The following CDH12 variants were observed in gnomAD, a reference collection of about 807,000 sequenced individuals.
CDH12 encodes cadherin-12.
Under a neutral mutation model 74.1 loss-of-function variants are expected in CDH12, and 41 were observed. That is an observed-to-expected ratio of 0.55 (90% CI 0.43 to 0.72). The LOEUF is 0.72. Ranked by LOEUF, CDH12 falls within the 30% of genes least tolerant of loss-of-function variation. The probability of loss-of-function intolerance (pLI) is 0.00; values close to 1 mark genes in which losing one functional copy is unlikely to be tolerated. For synonymous variants in CDH12, 399 were observed against 355.0 expected (o/e 1.12, Z -1.39); for missense variants, 945 against 977.2 (o/e 0.97, Z 0.44).
chr5:22,047,522 A>T (rs1319189262), intron 5 of CDH12, among the ~76,000 whole-genome samples: 1 of 151,516 alleles, frequency 6.6e-6, no homozygotes, highest in Non-Finnish European at 1.5e-5. Context: ...AGATAAAAGT[A>T]AACACCCCCC....
At chr5:22,479,150 C>A in intron 2 of CDH12, among the ~76,000 whole-genome samples, 1 of 152,176 alleles carries the variant, frequency 6.6e-6, no homozygotes, top group East Asian at 1.9e-4. Flanking sequence ...TATTTATCAT[C>A]AACATTTTCT....
At chr5:22,508,416 T>C (rs550826445) in intron 1 of CDH12, among the ~76,000 whole-genome samples, 1 of 152,292 alleles carries the variant, frequency 6.6e-6, no homozygotes, top group Admixed American at 6.5e-5. Flanking sequence ...TTCTTTGCCA[T>C]ATGTTGAACT....
In CDH12 at chr5:21,783,405, C is replaced by T; in HGVS notation, c.1346G>A (p.Arg449Lys). The T allele has an allele frequency of 6.2e-7, 1 of 1,612,952 alleles. No individual in the cohort carries two copies. The highest frequency in any genetic ancestry group is 1.1e-5 in the South Asian group (1 of 91,066). ...GTIATNELLDRESTAQYNFSI... is the reference protein window; with the variant it reads ...GTIATNELLDKESTAQYNFSI... The stretch of plus-strand genomic sequence containing the variant: ...GAAATTATACTGCGCAGTGCTTTCT[C>T]TGTCTAGTAATTCATTAGTGGCGAT... Residue 449 changes from arginine to lysine, a missense_variant, in exon 11 of 15, where the codon AGA becomes AAA. Physicochemically the swap from Arg to Lys is conservative, Grantham distance 26 (BLOSUM62 2). Transcript: ENST00000382254.
chr5:21,937,426 A>C (rs4028799), intron 6 of CDH12, among the ~76,000 whole-genome samples: 1 of 152,214 alleles, frequency 6.6e-6, no homozygotes, highest in South Asian at 2.1e-4. Context: ...ACAATAGTCC[A>C]GGTTAAAGAT....
At chr5:22,406,551 T>A (rs1324866380) in intron 2 of CDH12, among the ~76,000 whole-genome samples, 2 of 152,144 alleles carry the variant, frequency 1.3e-5, no homozygotes, top group Non-Finnish European at 2.9e-5. Context: ...AGATAAAAAA[T>A]ATATTATTCT....
chr5:21,770,494 G>T (rs1297703487), intron 11 of CDH12, among the ~76,000 whole-genome samples: 2 of 151,790 alleles, frequency 1.3e-5, no homozygotes, highest in African/African-American at 4.8e-5. Flanking sequence ...CATGGTGGTG[G>T]GCGCCTGTAA....
intron 1 of CDH12, among the ~76,000 whole-genome samples, chr5:22,566,057 T>G (rs1318448440): frequency 1.3e-5 from 2 of 152,184 alleles, no homozygotes; most frequent in Admixed American, 6.5e-5. Context: ...TGAATTGATG[T>G]CTGAAGTATG....
chr5:22,336,577 G>C (rs1330113654), intron 3 of CDH12, among the ~76,000 whole-genome samples: 1 of 152,240 alleles, frequency 6.6e-6, no homozygotes, highest in African/African-American at 2.4e-5. Flanking sequence ...CCAAGGTACA[G>C]CTTGGGCCAT....
At chr5:21,834,441 CT>C (rs1276860810) in intron 8 of CDH12, among the ~76,000 whole-genome samples, 1 of 151,846 alleles carries the variant, frequency 6.6e-6, no homozygotes, top group Non-Finnish European at 1.5e-5. Flanking sequence ...GTTACATTCT[CT>C]TCCTACATGG....
rs187417101 is a variant in CDH12, at chr5:22,072,094, C to A, written c.231+6352G>T. Among the ~76,000 whole-genome samples the A allele has an allele frequency of 1.4e-4, 21 of 151,988 alleles. No individual in the cohort carries two copies. In the East Asian group the frequency reaches 1.6e-3, roughly 11 times the overall value. ...TGTAACTTTCTCCTGCAGATGCTCT[C>A]CCTATCTCTACACCTTTTTCCCCGT... On this transcript the variant is annotated intron_variant, in intron 5 of 14. Coordinates refer to ENST00000382254, the MANE Select transcript of CDH12 (RefSeq NM_004061.5).
intron 6 of CDH12, among the ~76,000 whole-genome samples, chr5:21,952,201 G>A (rs747440494): frequency 1.3e-5 from 2 of 152,104 alleles, no homozygotes; most frequent in Non-Finnish European, 2.9e-5. Context: ...AGAGTGACTC[G>A]CAGTTGAGAG....
chr5:21,782,504 A>T (rs1227928286), intron 11 of CDH12, among the ~76,000 whole-genome samples: 1 of 152,174 alleles, frequency 6.6e-6, no homozygotes, highest in East Asian at 1.9e-4. Context: ...CCCTGCATGG[A>T]AAGTGGGAAT....
At chr5:22,340,581 T>C (rs1012143345) in intron 3 of CDH12, among the ~76,000 whole-genome samples, 5 of 151,538 alleles carry the variant, frequency 3.3e-5, no homozygotes, top group African/African-American at 9.7e-5. Flanking sequence ...AACTAGAAAA[T>C]GTTCTTAAAT....
intron 3 of CDH12, among the ~76,000 whole-genome samples, chr5:22,368,215 A>G (rs1741115184): frequency 6.6e-6 from 1 of 152,124 alleles, no homozygotes; most frequent in Admixed American, 6.5e-5. Flanking sequence ...AGCTATTTAT[A>G]TAATTTGCAG....
intron 4 of CDH12, among the ~76,000 whole-genome samples, chr5:22,098,244 T>C (rs938318076): frequency 6.6e-6 from 1 of 152,130 alleles, no homozygotes; most frequent in Non-Finnish European, 1.5e-5. Context: ...CAAGCCCAAA[T>C]TTCTTCCTCA....
At chr5:22,110,358 G>T (rs1744732873) in intron 4 of CDH12, among the ~76,000 whole-genome samples, 1 of 151,994 alleles carries the variant, frequency 6.6e-6, no homozygotes, top group Non-Finnish European at 1.5e-5. Flanking sequence ...TGACAGAAAA[G>T]GAAAAGTTTA....
At chr5:21,817,533 A>G (rs1232318694) in intron 8 of CDH12, among the ~76,000 whole-genome samples, 1 of 152,036 alleles carries the variant, frequency 6.6e-6, no homozygotes, top group African/African-American at 2.4e-5. Flanking sequence ...TAGATGATAG[A>G]TAGATGATAG....
At chr5:21,757,987 T>C (rs1450321523) in intron 13 of CDH12, among the ~76,000 whole-genome samples, 2 of 152,176 alleles carry the variant, frequency 1.3e-5, no homozygotes. Flanking sequence ...TATCTCCCTA[T>C]GATATATTTT....
chr5:22,547,762 T>C (rs1738398054), intron 1 of CDH12, among the ~76,000 whole-genome samples: 2 of 152,176 alleles, frequency 1.3e-5, no homozygotes, highest in South Asian at 4.1e-4. Context: ...TTTAAATAGG[T>C]AAGTGGTCTG....
Sources: gnomAD v4.1 joint callset for allele counts (sites outside exome capture counted in the v4.1 genomes callset) on GRCh38, gnomAD v4.1.1 for gene constraint, MANE v1.5 for transcripts, NCBI Gene and HGNC (gene_info 2026-07-23, HGNC 2026-07-21) for gene names.